Variants in CROCC2 observed in about 807,000 individuals in gnomAD.
CROCC2 encodes ciliary rootlet coiled-coil protein 2.
CROCC2 carries 163 observed loss-of-function variants against 177.6 expected under a neutral mutation model. That is an observed-to-expected ratio of 0.92 (90% CI 0.81 to 1.05). The LOEUF is 1.05. CROCC2 is among the 50% of genes least tolerant of loss of function. The pLI is 0.00. For synonymous variants in CROCC2, 904 were observed against 787.3 expected (o/e 1.15, Z -2.48); for missense variants, 1,929 against 1,797.8 (o/e 1.07, Z -1.32).
At chr2:240,983,722 G>A in intron 28 of CROCC2, 1 of 900,266 alleles carries the variant, frequency 1.1e-6, no homozygotes. Context: ...GGGTCAGGAC[G>A]CCCGCAGGTG....
At chr2:240,936,015 G>A (rs934214526) in intron 14 of CROCC2, among the ~76,000 whole-genome samples, 2 of 151,800 alleles carry the variant, frequency 1.3e-5, no homozygotes, top group Non-Finnish European at 2.9e-5. Flanking sequence ...ACTCACTGGA[G>A]AAAAAAACAG....
intron 28 of CROCC2, among the ~76,000 whole-genome samples, chr2:240,988,393 CTGGA>C (rs1389102022): frequency 1.3e-5 from 2 of 152,172 alleles, no homozygotes; most frequent in Non-Finnish European, 1.5e-5. Context: ...CTCATGAGAC[CTGGA>C]GGAACACTGA....
intron 22 of CROCC2, among the ~76,000 whole-genome samples, 153 bp downstream of exon 22, chr2:240,964,778 G>C (rs1474728507): frequency 6.6e-6 from 1 of 152,220 alleles, no homozygotes; most frequent in African/African-American, 2.4e-5. Flanking sequence ...CAGGCTCACA[G>C]GGTCCCTGGT....
At chr2:240,921,159 C>G (rs138258795) in intron 3 of CROCC2, among the ~76,000 whole-genome samples, 24 of 152,330 alleles carry the variant, frequency 1.6e-4, no homozygotes, top group African/African-American at 5.8e-4. Context: ...GAGGGGTCCC[C>G]AGGGGGCCTC....
chr2:240,955,620 G>A, intron 18 of CROCC2: 1 of 500,194 alleles, frequency 2.0e-6, no homozygotes, highest in South Asian at 3.2e-5. Flanking sequence ...CACAGAGGTG[G>A]GACGATGTCG....
At position 240,935,453 on chromosome 2, in the gene CROCC2, GC is replaced by G; in HGVS notation, c.2035del (p.Leu679TrpfsTer164). On this transcript the variant is annotated frameshift_variant, in exon 14 of 32. Coordinates refer to ENST00000690015, the MANE Select transcript of CROCC2 (RefSeq NM_001351305.2). LOFTEE classifies it high-confidence loss of function. ...GEQLAQAEQQ[L>X]ALERAERRGL... is the part of the protein sequence containing the mutation. ...AGCAGCTGGCACAGGCGGAGCAGCA[GC>G]TGGCGCTGGAGCGGGCAGAGCGCAG... 7.3e-7 allele frequency: 1 copy of G among 1,367,190 alleles called. No homozygotes were observed. The highest frequency in any genetic ancestry group is 1.5e-5 in the African/African-American group (1 of 66,052). The allele number at this position is 1,367,190 out of a possible 1,614,324, so 84.7% of individuals were successfully genotyped here.
At position 240,951,433 on chromosome 2, in the gene CROCC2, CCCAT is replaced by C. The variant is rs2059556283; in HGVS notation, c.2829+932_2829+935del. Among the ~76,000 whole-genome samples, 4 of 152,170 alleles carry C rather than the reference CCCAT, an allele frequency of 2.6e-5. No homozygotes were observed. In the East Asian group the frequency reaches 7.7e-4, roughly 29 times the overall value. On this transcript the variant is annotated intron_variant, in intron 18 of 31. Coordinates refer to ENST00000690015, the MANE Select transcript of CROCC2 (RefSeq NM_001351305.2). ...CATCTGTCCATCATCTCTCTATCCACCCATCCATCCATGCACTTGAATGACCCTC... is the reference window on the plus strand; with the variant it reads ...CATCTGTCCATCATCTCTCTATCCACCCATCCATGCACTTGAATGACCCTC...
chr2:240,983,154 C>G (rs2059812984), intron 28 of CROCC2, 125 bp downstream of exon 28: 2 of 1,066,186 alleles, frequency 1.9e-6, no homozygotes, highest in East Asian at 5.2e-5. Flanking sequence ...TAGAGAGATG[C>G]TGGAGGCAGG....
chr2:240,947,117 T>G (rs1429668395), intron 15 of CROCC2, among the ~76,000 whole-genome samples: 1 of 152,260 alleles, frequency 6.6e-6, no homozygotes, highest in Non-Finnish European at 1.5e-5. Context: ...GCATTTTTGT[T>G]GAAAAGATTT....
At chr2:240,935,205 A>G (rs2059460532) in intron 13 of CROCC2, 143 bp downstream of exon 13, 1 of 1,206,154 alleles carries the variant, frequency 8.3e-7, no homozygotes, top group Non-Finnish European at 1.1e-6. Flanking sequence ...GAGCCTGACT[A>G]GCCCTGGCCA....
chr2:240,917,018 C>A lies in CROCC2; in HGVS notation c.79-1708C>A, dbSNP rs2059325451. Among the ~76,000 whole-genome samples the A allele has an allele frequency of 6.6e-6, 1 of 152,176 alleles. No homozygotes were observed. The highest frequency in any genetic ancestry group is 1.5e-5 in the Non-Finnish European group (1 of 68,016). On this transcript the variant is annotated intron_variant, in intron 1 of 31. Coordinates refer to ENST00000690015, the MANE Select transcript of CROCC2 (RefSeq NM_001351305.2). The surrounding 1 kb of genome is among the most constrained non-coding windows in gnomAD (Gnocchi z 4.9). ...AGCAGGGACTTCCCTCCCCCTCCCCCACTGGGCTGCTGCTCCCAAGGGGGG... is the reference window on the plus strand; with the variant it reads ...AGCAGGGACTTCCCTCCCCCTCCCCAACTGGGCTGCTGCTCCCAAGGGGGG...
At chr2:240,943,843 T>G (rs560965018) in intron 14 of CROCC2, among the ~76,000 whole-genome samples, 3 of 152,278 alleles carry the variant, frequency 2.0e-5, no homozygotes, top group African/African-American at 7.2e-5. Flanking sequence ...GGCAGATACC[T>G]CAAAGGGGAA....
chr2:240,906,697 C>T (rs1384744665), intron 1 of CROCC2, 106 bp downstream of exon 1: 3 of 398,228 alleles, frequency 7.5e-6, no homozygotes, highest in African/African-American at 2.1e-5. Context: ...ACCTTCCTGG[C>T]TCCCGGGGCA....
chr2:240,909,511 T>C (rs1413543094), intron 1 of CROCC2, among the ~76,000 whole-genome samples: 1 of 152,238 alleles, frequency 6.6e-6, no homozygotes, highest in Non-Finnish European at 1.5e-5. Context: ...CTGTGAGGAT[T>C]CTCATCCCCT....
chr2:240,934,804 AAGAG>A, intron 12 of CROCC2, 108 bp from the exon 13 acceptor site: 2 of 1,218,830 alleles, frequency 1.6e-6, no homozygotes, highest in East Asian at 5.9e-5. Context: ...ATGTCCGCCC[AAGAG>A]CTCTGGCTTG....
Position 240,968,233 on chromosome 2 carries a change from G to A in CROCC2, c.4372G>A (p.Ala1458Thr). ...GTTGGAGCACCTGGCGAGCGTGCGTGCGGCAGGCCAGGAGAAGCGGCGGCT... is the reference window on the plus strand; with the variant it reads ...GTTGGAGCACCTGGCGAGCGTGCGTACGGCAGGCCAGGAGAAGCGGCGGCT... ...LELEHLASVRAAGQEKRRLQE... is the reference protein window; with the variant it reads ...LELEHLASVRTAGQEKRRLQE... Residue 1458 changes from alanine to threonine, a missense_variant, in exon 27 of 32, where the codon GCG becomes ACG. Transcript: ENST00000690015. 2 of 1,532,868 alleles carry A rather than the reference G, an allele frequency of 1.3e-6. No individual in the cohort carries two copies. The highest frequency in any genetic ancestry group is 1.7e-6 in the Non-Finnish European group (2 of 1,145,328). The allele number at this position is 1,532,868 out of a possible 1,614,324, so 95.0% of individuals were successfully genotyped here. A position where few individuals can be genotyped will look rare whatever the true frequency, so the allele number is the denominator to read the frequency against.
At chr2:240,920,478 G>A (rs975962980) in intron 3 of CROCC2, among the ~76,000 whole-genome samples, 2 of 152,162 alleles carry the variant, frequency 1.3e-5, no homozygotes, top group Non-Finnish European at 2.9e-5. Context: ...CCTGACTCGC[G>A]GGGCCCAGTG....
At position 240,974,720 on chromosome 2, in the gene CROCC2, A is replaced by G. The variant is rs566526361; in HGVS notation, c.4401+6458A>G. Among the ~76,000 whole-genome samples the G allele has an allele frequency of 2.0e-5, 3 of 152,024 alleles. 1 individual carries two copies. Among genetic ancestry groups the G allele is most frequent in the Non-Finnish European group, 4.4e-5 (3 of 67,978 alleles). On this transcript the variant is annotated intron_variant, in intron 27 of 31. Coordinates refer to ENST00000690015, the MANE Select transcript of CROCC2 (RefSeq NM_001351305.2). The stretch of plus-strand genomic sequence containing the variant: ...TCTTATTTCTTGAAAGGAATAAGTA[A>G]TTTGTTTATGCTTGGGCTTTCTCTT...
Position 240,961,396 on chromosome 2 carries a change from G to A in CROCC2, c.3087+1952G>A, listed in dbSNP as rs532067306. On this transcript the variant is annotated intron_variant, in intron 20 of 31. Transcript: ENST00000690015. ...TGGACACCACACAGTGCACACAGGC[G>A]TGCACAGAAACGTGCACCAAGCACA... 8.7e-4 allele frequency among the ~76,000 whole-genome samples: 132 copies of A among 151,136 alleles called. 1 individual carries two copies. The highest frequency in any genetic ancestry group is 2.9e-3 in the African/African-American group (121 of 41,092).
Sources: allele counts gnomAD v4.1 joint callset (sites outside exome capture counted in the v4.1 genomes callset), GRCh38; gene constraint gnomAD v4.1.1; non-coding constraint Gnocchi (gnomAD v3.1); transcripts MANE v1.5; gene names NCBI Gene and HGNC (gene_info 2026-07-23, HGNC 2026-07-21).